The following CDK8 variants were observed in gnomAD, a reference collection of about 807,000 sequenced individuals.
CDK8 encodes cyclin dependent kinase 8.
A neutral mutation model predicts 71.5 loss-of-function variants in CDK8; 29 were observed. The ratio of observed to expected loss-of-function variants is 0.41; its 90% CI spans 0.30 to 0.55. The LOEUF (loss-of-function observed/expected upper bound fraction) is 0.55. CDK8 is among the 20% of genes least tolerant of loss of function. The pLI is 0.37. For synonymous variants in CDK8, 161 were observed against 192.1 expected (o/e 0.84, Z 1.34); for missense variants, 288 against 572.6 (o/e 0.50, Z 5.07).
At chr13:26,340,729 G>A (rs1873204664) in intron 2 of CDK8, among the ~76,000 whole-genome samples, 2 of 152,064 alleles carry the variant, frequency 1.3e-5, no homozygotes, top group African/African-American at 2.4e-5. Flanking sequence ...ATTACGAGGG[G>A]GTTCTTTTTA....
rs1290371835 is a variant in CDK8 at position 26,254,290 on chromosome 13, G to A, written c.-352G>A. 1.1e-5 allele frequency: 3 copies of A among 283,364 alleles called. No homozygotes were observed. Among genetic ancestry groups the A allele is most frequent in the Middle Eastern group, 2.0e-3 (2 of 1,010 alleles). The allele number at this position is 283,364 out of a possible 1,614,324, so 17.6% of individuals were successfully genotyped here. ...CGCCCCGCCGCTCCCGCCGCAGCAG[G>A]AGCAGAACGCGCGGCCGGAGAGAGC... On this transcript the variant is annotated 5_prime_UTR_variant, in exon 1 of 13. Coordinates refer to ENST00000381527, the MANE Select transcript of CDK8 (RefSeq NM_001260.3). This position sits in a 1 kb window ranked among gnomAD's most constrained non-coding sequence, Gnocchi z 6.7.
At chr13:26,259,623 A>G (rs1457050415) in intron 1 of CDK8, among the ~76,000 whole-genome samples, 1 of 152,158 alleles carries the variant, frequency 6.6e-6, no homozygotes, top group Non-Finnish European at 1.5e-5. Flanking sequence ...CCTACCTTAG[A>G]TATCAGTGCA....
intron 1 of CDK8, among the ~76,000 whole-genome samples, chr13:26,261,561 A>C (rs1458181969): frequency 2.0e-5 from 3 of 152,138 alleles, no homozygotes; most frequent in African/African-American, 7.2e-5. Flanking sequence ...CTAATTCAAC[A>C]TGTGGCCTTT....
At chr13:26,326,582 GC>G (rs1302753405) in intron 1 of CDK8, among the ~76,000 whole-genome samples, 2 of 152,174 alleles carry the variant, frequency 1.3e-5, no homozygotes, top group African/African-American at 4.8e-5. Flanking sequence ...TTGGGTAGAA[GC>G]TATATCTGTC....
intron 2 of CDK8, among the ~76,000 whole-genome samples, chr13:26,342,133 A>G (rs895609379): frequency 3.3e-5 from 5 of 152,132 alleles, no homozygotes; most frequent in Non-Finnish European, 7.3e-5. Context: ...GTTGGCCAGG[A>G]TGGTCTCTTG....
intron 1 of CDK8, among the ~76,000 whole-genome samples, chr13:26,256,545 T>C (rs1366086167): frequency 1.3e-5 from 2 of 152,246 alleles, no homozygotes; most frequent in Non-Finnish European, 2.9e-5. Flanking sequence ...TAATAAAATA[T>C]GCATATTTGT....
intron 7 of CDK8, among the ~76,000 whole-genome samples, chr13:26,395,302 T>C (rs1372222092): frequency 6.6e-6 from 1 of 151,880 alleles, no homozygotes; most frequent in Non-Finnish European, 1.5e-5. Context: ...AATACAAAAT[T>C]AGCTGGGCAT....
chr13:26,332,186 C>CA (rs1872785412), intron 1 of CDK8, among the ~76,000 whole-genome samples: 1 of 151,732 alleles, frequency 6.6e-6, no homozygotes, highest in Admixed American at 6.6e-5. Flanking sequence ...ATTTATTTGC[C>CA]AAATCTAAGA....
At chr13:26,314,621 T>G (rs1844125904) in intron 1 of CDK8, among the ~76,000 whole-genome samples, 1 of 152,214 alleles carries the variant, frequency 6.6e-6, no homozygotes, top group African/African-American at 2.4e-5. Context: ...ATAATAGGGA[T>G]GAAGACAAAA....
At chr13:26,356,177 A>T (rs1364979527) in intron 4 of CDK8, among the ~76,000 whole-genome samples, 1 of 152,172 alleles carries the variant, frequency 6.6e-6, no homozygotes, top group Non-Finnish European at 1.5e-5. Flanking sequence ...GCAACAAGGG[A>T]TGCATTATCT....
At chr13:26,385,686 AT>A (rs1309030978) in intron 6 of CDK8, among the ~76,000 whole-genome samples, 1 of 152,158 alleles carries the variant, frequency 6.6e-6, no homozygotes, top group Non-Finnish European at 1.5e-5. Flanking sequence ...GCAATGAGTC[AT>A]GATCGCACCA....
At chr13:26,284,689 T>G (rs1027303490) in intron 1 of CDK8, among the ~76,000 whole-genome samples, 14 of 152,130 alleles carry the variant, frequency 9.2e-5, no homozygotes, top group Admixed American at 7.9e-4. Flanking sequence ...CTATCAGGCA[T>G]TCAGAGAAGA....
rs558984815 is a variant in CDK8, at chr13:26,268,241, G to A, written c.128+13472G>A. On this transcript the variant is annotated intron_variant, in intron 1 of 12. Transcript: ENST00000381527. ...GTTGAGATTTTTTTTTGAAAGTTTT[G>A]CTCCCCCCTCCCCCAACACACACAC... 5.2e-5 allele frequency among the ~76,000 whole-genome samples: 7 copies of A among 135,882 alleles called. No individual in the cohort carries two copies. The South Asian group carries it at 9.5e-4, about 19-fold the overall frequency. The allele number at this position is 135,882 out of a possible 152,430, so 89.1% of individuals were successfully genotyped here. A position where few individuals can be genotyped will look rare whatever the true frequency, so the allele number is the denominator to read the frequency against.
chr13:26,288,123 C>T (rs929191901), intron 1 of CDK8, among the ~76,000 whole-genome samples: 37 of 152,112 alleles, frequency 2.4e-4, no homozygotes, highest in Admixed American at 8.5e-4. Context: ...CCACCATGCC[C>T]GGCTAATTTT....
intron 1 of CDK8, among the ~76,000 whole-genome samples, chr13:26,296,907 T>G (rs1451185764): frequency 6.6e-6 from 1 of 152,200 alleles, no homozygotes; most frequent in Non-Finnish European, 1.5e-5. Context: ...AGTCCTCTTC[T>G]AAGGACTGGA....
intron 4 of CDK8, among the ~76,000 whole-genome samples, chr13:26,364,083 G>T (rs907918574): frequency 1.3e-5 from 2 of 152,148 alleles, no homozygotes; most frequent in Non-Finnish European, 2.9e-5. Context: ...GAAAAATTGA[G>T]AAGCAAAGAG....
intron 1 of CDK8, among the ~76,000 whole-genome samples, chr13:26,289,658 C>T (rs1360340579): frequency 6.6e-6 from 1 of 152,072 alleles, no homozygotes; most frequent in Non-Finnish European, 1.5e-5. Flanking sequence ...TCACGCCATT[C>T]TCCTGCCTCA....
chr13:26,369,715 T>C (rs1484222938), intron 4 of CDK8, among the ~76,000 whole-genome samples: 2 of 141,398 alleles, frequency 1.4e-5, no homozygotes, highest in African/African-American at 2.6e-5. Context: ...CTTTCTTTTT[T>C]TTTTTTTTTT....
chr13:26,268,022 G>A (rs1872108446), intron 1 of CDK8, among the ~76,000 whole-genome samples: 1 of 152,136 alleles, frequency 6.6e-6, no homozygotes, highest in Non-Finnish European at 1.5e-5. Flanking sequence ...AAGCAGGTCA[G>A]TTTCCTAGGA....
Sources: allele counts gnomAD v4.1 joint callset (sites outside exome capture counted in the v4.1 genomes callset), GRCh38; gene constraint gnomAD v4.1.1; non-coding constraint Gnocchi (gnomAD v3.1); transcripts MANE v1.5; gene names NCBI Gene and HGNC (gene_info 2026-07-23, HGNC 2026-07-21).